CHMP4A: variants seen among roughly 807,000 people sequenced by gnomAD.
CHMP4A encodes SNF7 homolog associated with Alix-2.
A neutral mutation model predicts 28.2 loss-of-function variants in CHMP4A; 29 were observed. That is an observed-to-expected ratio of 1.03 (90% CI 0.77 to 1.40). CHMP4A has a LOEUF of 1.40. CHMP4A is among the 40% of genes most tolerant of loss of function. The pLI is 0.00. For synonymous variants in CHMP4A, 88 were observed against 99.3 expected (o/e 0.89, Z 0.67); for missense variants, 241 against 263.5 (o/e 0.91, Z 0.59).
In CHMP4A at chr14:24,209,854, T is replaced by C; in HGVS notation, c.*23A>G. On this transcript the variant is annotated 3_prime_UTR_variant, in exon 6 of 6. Coordinates refer to ENST00000347519, the MANE Select transcript of CHMP4A (RefSeq NM_014169.5). Reference sequence around the variant, plus strand: ...GAAGAAAGGACCAACAAAGGTAGCATTAGGAAGACAAGCCCAGATTTATCA... The same window carrying C: ...GAAGAAAGGACCAACAAAGGTAGCACTAGGAAGACAAGCCCAGATTTATCA... 1 of 1,608,748 alleles carries C rather than the reference T, an allele frequency of 6.2e-7. No individual in the cohort carries two copies.
Position 24,209,754 on chromosome 14 carries a change from C to A in CHMP4A, c.*123G>T. The A allele has an allele frequency of 3.5e-6, 3 of 868,394 alleles. No individual in the cohort carries two copies. The highest frequency in any genetic ancestry group is 3.8e-6 in the Non-Finnish European group (2 of 523,666). 53.8% of individuals were successfully genotyped at this position (868,394 alleles called of 1,614,324 possible). ...GAGGGTAAGAGACCCTTTTTTCAGG[C>A]AGGGTCACACTACCACCCTCAGCAT... On this transcript the variant is annotated 3_prime_UTR_variant, in exon 6 of 6. Transcript: ENST00000347519.
chr14:24,213,373 A>T lies in CHMP4A; in HGVS notation c.31+36T>A, dbSNP rs181203318. 8.1e-4 allele frequency: 1,241 copies of T among 1,536,434 alleles called. 6 individuals carry two copies. The African/African-American group carries it at 0.016, about 20-fold the overall frequency. ...GGTCTCCTCTTCCCCTGCACCAGCC[A>T]GCGCCTCCTGGCTGGCCAGTCCCAC... is the stretch of plus-strand genomic sequence containing the variant. On this transcript the variant is annotated intron_variant, in intron 1 of 5. Transcript: ENST00000347519.
intron 5 of CHMP4A, 41 bp from the exon 6 acceptor site, chr14:24,209,976 A>G (rs1203125489): frequency 6.3e-7 from 1 of 1,579,590 alleles, no homozygotes; most frequent in Admixed American, 1.7e-5. Flanking sequence ...AAGGAGAAGC[A>G]GTAAGGTCTC....
At chr14:24,212,057 T>C in intron 1 of CHMP4A, 2 of 443,778 alleles carry the variant, frequency 4.5e-6, no homozygotes, top group Non-Finnish European at 4.0e-6. Flanking sequence ...GCAGTATGAG[T>C]TCTAAAACCA....
chr14:24,211,162 C>T (rs188138293), intron 3 of CHMP4A: 32 of 448,434 alleles, frequency 7.1e-5, no homozygotes, highest in Admixed American at 4.8e-4. Flanking sequence ...CCAGCCTGGG[C>T]GACAGAGCAA....
rs76444629 is a variant in CHMP4A, at chr14:24,210,366, G to A, written c.592C>T (p.His198Tyr). Residue 198 changes from histidine (H) to tyrosine (Y), a missense_variant, in exon 5 of 6, where the codon CAT becomes TAT. Transcript: ENST00000347519. ...TGCATACCTGGCCCTGCCGGCAGAT[G>A]AGTAGAAGGTACACTAGGCAATTTG... ...SVKLPSVPST[H>Y]LPAGPAPKVD... The A allele has an allele frequency of 6.2e-5, 100 of 1,614,036 alleles. No individual in the cohort carries two copies. The highest frequency in any genetic ancestry group is 8.1e-5 in the Non-Finnish European group (96 of 1,180,012).
chr14:24,212,778 G>A (rs2039608033), intron 1 of CHMP4A: 1 of 165,442 alleles, frequency 6.0e-6, no homozygotes, highest in African/African-American at 2.4e-5. Flanking sequence ...TGTTGTCCAG[G>A]CTGGTCTCGA....
At chr14:24,210,970 G>A (rs747028475) in intron 3 of CHMP4A, 9 of 551,724 alleles carry the variant, frequency 1.6e-5, no homozygotes, top group Admixed American at 3.1e-5. Flanking sequence ...GATCACCTGA[G>A]GTCAGGAGTT....
rs1293919805 is a variant in CHMP4A, at chr14:24,209,894, C to G, written c.652G>C (p.Ala218Pro). Reference protein sequence around the residue: ...DEDEEALKQLAEWVS With the variant: ...DEDEEALKQLPEWVS The stretch of plus-strand genomic sequence containing the variant: ...CAGATTTATCAGGATACCCACTCAG[C>G]CAACTGCTTTAGTGCTTCTTCATCT... Residue 218 changes from alanine to proline, a missense_variant, in exon 6 of 6, where the codon GCT (alanine) becomes CCT (proline). By Grantham distance (27) the Ala-to-Pro change is conservative. Coordinates refer to ENST00000347519, the MANE Select transcript of CHMP4A (RefSeq NM_014169.5). 6.2e-7 allele frequency: 1 copy of G among 1,614,050 alleles called. No individual in the cohort carries two copies. Among genetic ancestry groups the G allele is most frequent in the Admixed American group, 1.7e-5 (1 of 60,010 alleles).
At chr14:24,211,643 A>C (rs1427661043) in intron 2 of CHMP4A, 37 bp downstream of exon 2, 1 of 1,611,946 alleles carries the variant, frequency 6.2e-7, no homozygotes, top group African/African-American at 1.3e-5. Context: ...CCTGCTTCCC[A>C]TCTGGGCCCT....
At position 24,213,450 on chromosome 14, in the gene CHMP4A, C is replaced by G. The variant is rs1206648860; in HGVS notation, c.-11G>C. 1 of 1,612,018 alleles carries G rather than the reference C, an allele frequency of 6.2e-7. No homozygotes were observed. Among genetic ancestry groups the G allele is most frequent in the Non-Finnish European group, 8.5e-7 (1 of 1,179,478 alleles). On this transcript the variant is annotated 5_prime_UTR_variant, in exon 1 of 6. Coordinates refer to ENST00000347519, the MANE Select transcript of CHMP4A (RefSeq NM_014169.5). ...GCCGAGACCACTCATCGCGAGCTCG[C>G]CTCTCCCGCCTCCGCCCCTCAGCGT...
chr14:24,213,167 T>G (rs1566659911), intron 1 of CHMP4A: 1 of 512,014 alleles, frequency 2.0e-6, no homozygotes, highest in African/African-American at 2.0e-5. Flanking sequence ...TCCCAGATCT[T>G]GAGTTCTTCC....
In CHMP4A at chr14:24,211,505, C is replaced by G; in HGVS notation, c.269G>C (p.Arg90Pro). 3 of 1,614,106 alleles carry G rather than the reference C, an allele frequency of 1.9e-6. No homozygotes were observed. The highest frequency in any genetic ancestry group is 1.7e-6 in the Non-Finnish European group (2 of 1,179,996). ...GGTAGTGGCATTCTCAATGGCCTCACGCTGAAACTCCAGGGTGGATAATGT... is the reference window on the plus strand; with the variant it reads ...GGTAGTGGCATTCTCAATGGCCTCAGGCTGAAACTCCAGGGTGGATAATGT... ...DGTLSTLEFQ[R>P]EAIENATTNA... Residue 90 changes from arginine (R) to proline (P), a missense_variant, in exon 3 of 6, where the codon CGT becomes CCT. Transcript: ENST00000347519.
intron 1 of CHMP4A, 162 bp downstream of exon 1, chr14:24,213,247 G>T: frequency 2.4e-6 from 2 of 833,286 alleles, no homozygotes; most frequent in Non-Finnish European, 3.4e-6. Context: ...TGGCACCGGC[G>T]ATGAGCCTTG....
intron 5 of CHMP4A, 125 bp from the exon 6 acceptor site, chr14:24,210,060 G>T: frequency 2.1e-6 from 2 of 964,106 alleles, no homozygotes; most frequent in Non-Finnish European, 3.3e-6. Flanking sequence ...AAACCTAAAG[G>T]TATGGTCCTT....
At chr14:24,213,274 C>T (rs970155298) in intron 1 of CHMP4A, 135 bp downstream of exon 1, 10 of 1,117,868 alleles carry the variant, frequency 8.9e-6, no homozygotes, top group East Asian at 3.0e-5. Context: ...CATCGGCCGC[C>T]GGGGTTTTCC....
At position 24,211,743 on chromosome 14, in the gene CHMP4A, A is replaced by G; in HGVS notation, c.118T>C (p.Leu40=). 3.7e-6 allele frequency: 6 copies of G among 1,614,158 alleles called. No homozygotes were observed. Among genetic ancestry groups the G allele is most frequent in the Non-Finnish European group, 5.1e-6 (6 of 1,180,014 alleles). The change falls in exon 2 of 6, where the codon TTG becomes CTG. Residue 40 remains leucine, a synonymous_variant. Coordinates refer to ENST00000347519, the MANE Select transcript of CHMP4A (RefSeq NM_014169.5). The part of the protein sequence containing the change: ...EKILIKKQEF[L]EQKIQQELQT... Reference sequence around the variant, plus strand: ...AGCTCCTGTTGAATCTTCTGCTCCAAAAATTCCTGTTTCTTGATCAGTATC... The same window carrying G: ...AGCTCCTGTTGAATCTTCTGCTCCAGAAATTCCTGTTTCTTGATCAGTATC...
intron 1 of CHMP4A, among the ~76,000 whole-genome samples, chr14:24,212,376 T>C (rs1360443280): frequency 3.3e-5 from 5 of 152,050 alleles, no homozygotes; most frequent in African/African-American, 4.8e-5. Context: ...ATTACAGGCA[T>C]GAGCCACCGC....
Position 24,213,433 on chromosome 14 carries a change from C to T in CHMP4A, c.7G>A (p.Gly3Ser), listed in dbSNP as rs1355912999. The T allele has an allele frequency of 9.3e-6, 15 of 1,610,678 alleles. No individual in the cohort carries two copies. The highest frequency in any genetic ancestry group is 1.3e-5 in the Non-Finnish European group (15 of 1,179,150). ...CCCTTCCCGAAGAGCCTGCCGAGAC[C>T]ACTCATCGCGAGCTCGCCTCTCCCG... MS[G>S]LGRLFGKGKK... The change falls in exon 1 of 6, where the codon GGT (glycine) becomes AGT (serine). Residue 3 changes from glycine (G) to serine (S), a missense_variant. By Grantham distance (56) the Gly-to-Ser change is moderately conservative. Coordinates refer to ENST00000347519, the MANE Select transcript of CHMP4A (RefSeq NM_014169.5).
Sources: allele counts gnomAD v4.1 joint callset (sites outside exome capture counted in the v4.1 genomes callset), GRCh38; gene constraint gnomAD v4.1.1; transcripts MANE v1.5; gene names NCBI Gene and HGNC (gene_info 2026-07-23, HGNC 2026-07-21).